The following CSGALNACT1 variants were observed in gnomAD, a reference collection of about 807,000 sequenced individuals.
CSGALNACT1 encodes chondroitin sulfate N-acetylgalactosaminyltransferase 1.
A neutral mutation model predicts 51.0 loss-of-function variants in CSGALNACT1; 52 were observed. The observed-to-expected ratio is 1.02, with a 90% confidence interval of 0.82 to 1.29. The LOEUF is 1.29. Among genes scored for constraint, CSGALNACT1 ranks in the 50% most tolerant of loss-of-function variants. The probability of loss-of-function intolerance (pLI) is 0.00; values close to 1 mark genes in which losing one functional copy is unlikely to be tolerated. For missense variants in CSGALNACT1, 935 were observed against 679.2 expected, an observed-to-expected ratio of 1.38 and a Z score of -4.19; for synonymous variants, 341 against 254.4, an observed-to-expected ratio of 1.34 and a Z score of -3.24.
chr8:19,683,150 G>C (rs1170530141), upstream of CSGALNACT1: 1 of 187,206 alleles, frequency 5.3e-6, no homozygotes, highest in African/African-American at 2.3e-5. Context: ...TCTGTGCTAT[G>C]GTTCAATCTG....
At chr8:19,532,263 C>T (rs1358466467) in intron 3 of CSGALNACT1, among the ~76,000 whole-genome samples, 3 of 152,116 alleles carry the variant, frequency 2.0e-5, no homozygotes, top group Non-Finnish European at 4.4e-5. Flanking sequence ...GCAGCCATGG[C>T]TTCTTTATCC....
At chr8:19,583,891 T>C (rs1328959707) in intron 3 of CSGALNACT1, among the ~76,000 whole-genome samples, 1 of 152,176 alleles carries the variant, frequency 6.6e-6, no homozygotes, top group Admixed American at 6.5e-5. Flanking sequence ...TACTTTGGGT[T>C]TGAGAGAAGT....
At chr8:19,423,687 C>T (rs930550117) in intron 6 of CSGALNACT1, among the ~76,000 whole-genome samples, 1 of 152,086 alleles carries the variant, frequency 6.6e-6, no homozygotes, top group African/African-American at 2.4e-5. Context: ...CCTATGCTTC[C>T]ATGATGTGTT....
chr8:19,489,490 G>A (rs2073881623), intron 4 of CSGALNACT1, among the ~76,000 whole-genome samples: 1 of 151,950 alleles, frequency 6.6e-6, no homozygotes, highest in Non-Finnish European at 1.5e-5. Flanking sequence ...CTCAACCTGT[G>A]GTCTTCTTCC....
At chr8:19,698,783 T>C (rs2061710619) in intron 1 of CSGALNACT1, among the ~76,000 whole-genome samples, 1 of 152,136 alleles carries the variant, frequency 6.6e-6, no homozygotes, top group African/African-American at 2.4e-5. Flanking sequence ...AAAAAAATCA[T>C]TGATTTACCA....
intron 1 of CSGALNACT1, among the ~76,000 whole-genome samples, chr8:19,638,057 T>G (rs374814102): frequency 1.3e-5 from 2 of 150,482 alleles, no homozygotes; most frequent in Admixed American, 1.3e-4. Context: ...GATGAAGGTA[T>G]AGAAAAACCT....
At chr8:19,420,888 A>G (rs942462626) in intron 6 of CSGALNACT1, among the ~76,000 whole-genome samples, 1 of 152,258 alleles carries the variant, frequency 6.6e-6, no homozygotes, top group Non-Finnish European at 1.5e-5. Flanking sequence ...GAATGAGGCC[A>G]CTGAGCCAAG....
chr8:19,579,019 G>A (rs372370119), intron 3 of CSGALNACT1, among the ~76,000 whole-genome samples: 1 of 152,098 alleles, frequency 6.6e-6, no homozygotes, highest in Admixed American at 6.5e-5. Flanking sequence ...ATGAGTCACA[G>A]CACCCTGACT....
At chr8:19,472,232 G>C (rs893344028) in intron 4 of CSGALNACT1, among the ~76,000 whole-genome samples, 3 of 152,198 alleles carry the variant, frequency 2.0e-5, no homozygotes, top group African/African-American at 4.8e-5. Flanking sequence ...AACAGCTGTA[G>C]GACTTCCTCT....
chr8:19,627,579 TAA>T (rs962313711), intron 1 of CSGALNACT1, among the ~76,000 whole-genome samples: 2 of 151,924 alleles, frequency 1.3e-5, no homozygotes, highest in African/African-American at 4.8e-5. Flanking sequence ...TCCCAGAACT[TAA>T]GAGAGGCTGA....
intron 6 of CSGALNACT1, among the ~76,000 whole-genome samples, chr8:19,439,384 G>A (rs1346472534): frequency 6.6e-6 from 1 of 152,206 alleles, no homozygotes; most frequent in East Asian, 1.9e-4. Flanking sequence ...CAAAGGGTGA[G>A]ACTGTTTGCT....
chr8:19,505,870 C>T, exon 4 of CSGALNACT1: 2 of 1,602,968 alleles, frequency 1.2e-6, no homozygotes, highest in Middle Eastern at 1.6e-4. Flanking sequence ...CCGGTGGCAT[C>T]CCTCAAAGCC....
intron 4 of CSGALNACT1, among the ~76,000 whole-genome samples, chr8:19,485,967 T>C (rs1364552577): frequency 2.0e-5 from 3 of 151,734 alleles, no homozygotes; most frequent in African/African-American, 7.3e-5. Flanking sequence ...GGTTTCTCCA[T>C]GTTGATCATG....
intron 6 of CSGALNACT1, among the ~76,000 whole-genome samples, chr8:19,435,875 G>A (rs2060294094): frequency 6.6e-6 from 1 of 152,086 alleles, no homozygotes; most frequent in African/African-American, 2.4e-5. Context: ...GCATCCTTAT[G>A]CAGCACACAC....
rs534224267 is a variant in CSGALNACT1, at chr8:19,443,927, A to C, written c.852-3996T>G. Among the ~76,000 whole-genome samples, 6 of 152,316 alleles carry C rather than the reference A, an allele frequency of 3.9e-5. No homozygotes were observed. The East Asian group carries it at 1.2e-3, about 29-fold the overall frequency. ...TATGGTTTCAGCATGAAACTGTTCCATCTCAGATCATCAAGCATTAGAGTC... is the reference window on the plus strand; with the variant it reads ...TATGGTTTCAGCATGAAACTGTTCCCTCTCAGATCATCAAGCATTAGAGTC... On this transcript the variant is annotated intron_variant, in intron 5 of 9. Coordinates refer to ENST00000454498, the Ensembl canonical transcript of CSGALNACT1.
chr8:19,418,524 C>T (rs2057321447), intron 8 of CSGALNACT1, 132 bp downstream of exon 7: 1 of 728,460 alleles, frequency 1.4e-6, no homozygotes. Flanking sequence ...GCCAGCACAT[C>T]TGCCAAACGT....
chr8:19,526,568 C>T (rs890040766), intron 3 of CSGALNACT1, among the ~76,000 whole-genome samples: 19 of 151,778 alleles, frequency 1.3e-4, no homozygotes, highest in Admixed American at 7.9e-4. Context: ...GGTGACAGAG[C>T]GAGACTCTGT....
chr8:19,448,258 T>A (rs1203146719), intron 5 of CSGALNACT1, among the ~76,000 whole-genome samples: 1 of 152,198 alleles, frequency 6.6e-6, no homozygotes, highest in African/African-American at 2.4e-5. Context: ...GAATCGTGGA[T>A]TCAATAATAA....
chr8:19,432,405 T>A (rs1234749688), intron 6 of CSGALNACT1, among the ~76,000 whole-genome samples: 1 of 152,216 alleles, frequency 6.6e-6, no homozygotes, highest in East Asian at 1.9e-4. Flanking sequence ...ATAAGTTTAA[T>A]GTGGATTTCT....
Sources: gnomAD v4.1 joint callset for allele counts (sites outside exome capture counted in the v4.1 genomes callset) on GRCh38, gnomAD v4.1.1 for gene constraint, MANE v1.5 for transcripts, NCBI Gene and HGNC (gene_info 2026-07-23, HGNC 2026-07-21) for gene names.